Variants in PDE3A observed in about 807,000 individuals in gnomAD.
The protein encoded by PDE3A is cGMP-inhibited 3',5'-cyclic phosphodiesterase 3A.
A neutral mutation model predicts 98.3 loss-of-function variants in PDE3A; 43 were observed. That is an observed-to-expected ratio of 0.44 (90% CI 0.34 to 0.56). PDE3A has a LOEUF of 0.56. Ranked by LOEUF, PDE3A falls within the 20% of genes least tolerant of loss-of-function variation. The pLI is 0.01. For synonymous variants in PDE3A, 663 were observed against 567.9 expected, an observed-to-expected ratio of 1.17 and a Z score of -2.38; for missense variants, 1,427 against 1,440.7, an observed-to-expected ratio of 0.99 and a Z score of 0.15.
At chr12:20,453,644 A>T (rs1214280686) in intron 1 of PDE3A, among the ~76,000 whole-genome samples, 1 of 152,188 alleles carries the variant, frequency 6.6e-6, no homozygotes, top group Non-Finnish European at 1.5e-5. Context: ...GTAAAATGTT[A>T]GATACTTTTT....
chr12:20,461,236 GAAA>G (rs67508401), intron 1 of PDE3A, among the ~76,000 whole-genome samples: 48 of 98,484 alleles, frequency 4.9e-4, no homozygotes, highest in African/African-American at 2.0e-3. Context: ...GTGTTTGTCA[GAAA>G]AAAAAAAAAA....
chr12:20,530,199 T>C (rs561670116), intron 1 of PDE3A, among the ~76,000 whole-genome samples: 21 of 152,310 alleles, frequency 1.4e-4, no homozygotes, highest in Middle Eastern at 3.4e-3. Flanking sequence ...AATATAATTG[T>C]TATATCTTTT....
At chr12:20,528,194 A>G (rs1946562411) in intron 1 of PDE3A, among the ~76,000 whole-genome samples, 1 of 152,148 alleles carries the variant, frequency 6.6e-6, no homozygotes, top group African/African-American at 2.4e-5. Context: ...ATAATTTCCA[A>G]CCTAGGAGGT....
At chr12:20,428,400 C>T (rs7298924) in intron 1 of PDE3A, among the ~76,000 whole-genome samples, 30,133 of 151,936 alleles carry the variant, frequency 0.2, 3,092 homozygotes, top group Non-Finnish European at 0.22. Context: ...CTGCCTCAGC[C>T]TCCCAAGCAG....
intron 2 of PDE3A, chr12:20,571,893 A>C: frequency 9.6e-7 from 1 of 1,046,352 alleles, no homozygotes; most frequent in South Asian, 3.1e-5. Context: ...ATTGCCACCC[A>C]TAAGTTGTTC....
chr12:20,517,010 G>A (rs1946334028), intron 1 of PDE3A, among the ~76,000 whole-genome samples: 1 of 152,176 alleles, frequency 6.6e-6, no homozygotes, highest in South Asian at 2.1e-4. Context: ...CCCCAGGAGA[G>A]CACAAGATTT....
rs191899356 is a variant in PDE3A, at chr12:20,530,337, A to T, written c.961-26323A>T. Among the ~76,000 whole-genome samples the T allele has an allele frequency of 3.2e-4, 49 of 152,298 alleles. No homozygotes were observed. The Middle Eastern group carries it at 0.01, about 32-fold the overall frequency. ...AGCTAAACTTGAACATATTACTACA[A>T]CTTATGGGCATACCCAACTCCAGAT... On this transcript the variant is annotated intron_variant, in intron 1 of 15. Coordinates refer to ENST00000359062, the MANE Select transcript of PDE3A (RefSeq NM_000921.5).
chr12:20,503,569 G>A (rs2121090964), intron 1 of PDE3A, among the ~76,000 whole-genome samples: 1 of 152,078 alleles, frequency 6.6e-6, no homozygotes, highest in Middle Eastern at 3.4e-3. Context: ...TTATATAGAT[G>A]CATATTGATC....
chr12:20,409,375 T>C (rs1032282384), intron 1 of PDE3A, among the ~76,000 whole-genome samples: 1 of 152,158 alleles, frequency 6.6e-6, no homozygotes, highest in African/African-American at 2.4e-5. Flanking sequence ...TTCTCAGATT[T>C]GAATATATTT....
chr12:20,661,737 T>A (rs1369548102), intron 15 of PDE3A, among the ~76,000 whole-genome samples: 1 of 152,222 alleles, frequency 6.6e-6, no homozygotes, highest in Admixed American at 6.5e-5. Flanking sequence ...AACCTCTGCC[T>A]ATATTTCAGA....
In PDE3A at chr12:20,680,615, C is replaced by A; in HGVS notation, c.*344C>A. On this transcript the variant is annotated 3_prime_UTR_variant, in exon 16 of 16. Transcript: ENST00000359062. The stretch of plus-strand genomic sequence containing the variant: ...CACTGAAGGCCACGATTGCTGGCTC[C>A]ACAATTTAGTAACATTTATATTAAG... 5.5e-6 allele frequency: 1 copy of A among 180,318 alleles called. No homozygotes were observed. The highest frequency in any genetic ancestry group is 1.2e-5 in the Non-Finnish European group (1 of 86,142). The allele number at this position is 180,318 out of a possible 1,614,324, so 11.2% of individuals were successfully genotyped here.
chr12:20,582,544 A>G (rs1297547620), intron 2 of PDE3A, among the ~76,000 whole-genome samples: 1 of 152,132 alleles, frequency 6.6e-6, no homozygotes, highest in Non-Finnish European at 1.5e-5. Context: ...AGAATATTGT[A>G]ATAAAATTAT....
intron 1 of PDE3A, among the ~76,000 whole-genome samples, chr12:20,448,586 T>C (rs1302175078): frequency 1.3e-5 from 2 of 152,158 alleles, no homozygotes; most frequent in Non-Finnish European, 1.5e-5. Context: ...GCCTTGGTTT[T>C]CAAAACATGA....
At chr12:20,385,799 G>T (rs980283453) in intron 1 of PDE3A, among the ~76,000 whole-genome samples, 4 of 149,732 alleles carry the variant, frequency 2.7e-5, no homozygotes, top group Non-Finnish European at 4.4e-5. Flanking sequence ...TGGGGTGGGG[G>T]GAGTGGGGAG....
chr12:20,571,957 A>G (rs76490593), intron 2 of PDE3A: 45,876 of 1,056,852 alleles, frequency 0.043, 1,094 homozygotes, highest in Middle Eastern at 0.052. Context: ...AAATTTGAGC[A>G]CACAGAACTT....
In PDE3A at chr12:20,369,399, C is replaced by A; in HGVS notation, c.115C>A (p.Arg39=). 1 of 1,552,196 alleles carries A rather than the reference C, an allele frequency of 6.4e-7. No homozygotes were observed. Among genetic ancestry groups the A allele is most frequent in the African/African-American group, 1.4e-5 (1 of 73,272 alleles). ...CHHRADPASP[R]DSGCRGCWGD... is the part of the protein sequence containing the mutation. ...CCATCGTGCGGACCCCGCATCGCCG[C>A]GGGACTCGGGCTGCCGTGGCTGCTG... is the stretch of plus-strand genomic sequence containing the variant. The change falls in exon 1 of 16, where the codon CGG becomes AGG. Residue 39 remains arginine, a synonymous_variant. Coordinates refer to ENST00000359062, the MANE Select transcript of PDE3A (RefSeq NM_000921.5).
At chr12:20,387,112 A>G (rs981843467) in intron 1 of PDE3A, among the ~76,000 whole-genome samples, 2 of 151,824 alleles carry the variant, frequency 1.3e-5, no homozygotes, top group African/African-American at 2.4e-5. Context: ...TGAGTTCTGT[A>G]TTGGTTCCAT....
At position 20,489,328 on chromosome 12, in the gene PDE3A, G is replaced by A. The variant is rs187801193; in HGVS notation, c.961-67332G>A. Reference sequence around the variant, plus strand: ...TGGCTGTGATTTACAAAGTTGGAGCGTTATAGCCAGTAAGCCTGTCAGGCA... The same window carrying A: ...TGGCTGTGATTTACAAAGTTGGAGCATTATAGCCAGTAAGCCTGTCAGGCA... On this transcript the variant is annotated intron_variant, in intron 1 of 15. Transcript: ENST00000359062. 2.7e-3 allele frequency among the ~76,000 whole-genome samples: 404 copies of A among 152,296 alleles called. 1 individual carries two copies. Among genetic ancestry groups the A allele is most frequent in the Non-Finnish European group, 3.1e-3 (208 of 68,030 alleles).
chr12:20,446,920 G>T (rs1944966433), intron 1 of PDE3A, among the ~76,000 whole-genome samples: 1 of 152,156 alleles, frequency 6.6e-6, no homozygotes, highest in East Asian at 1.9e-4. Context: ...AGAAAAAACA[G>T]CAAGCGTAAA....
Sources: gnomAD v4.1 joint callset for allele counts (sites outside exome capture counted in the v4.1 genomes callset) on GRCh38, gnomAD v4.1.1 for gene constraint, MANE v1.5 for transcripts, NCBI Gene and HGNC (gene_info 2026-07-23, HGNC 2026-07-21) for gene names.